COL22A1: variants seen among roughly 807,000 people sequenced by gnomAD.
COL22A1 encodes the protein collagen alpha-1(XXII) chain.
A neutral mutation model predicts 248.9 loss-of-function variants in COL22A1; 221 were observed. The ratio of observed to expected loss-of-function variants is 0.89; its 90% CI spans 0.80 to 0.99. The LOEUF (loss-of-function observed/expected upper bound fraction) is 0.99. COL22A1 is among the 50% of genes least tolerant of loss of function. The probability of loss-of-function intolerance (pLI) is 0.00; values close to 1 mark genes in which losing one functional copy is unlikely to be tolerated. For missense variants in COL22A1, 2,240 were observed against 2,179.0 expected, an observed-to-expected ratio of 1.03 and a Z score of -0.56; for synonymous variants, 891 against 793.4, an observed-to-expected ratio of 1.12 and a Z score of -2.07.
chr8:138,850,310 GGTGTTT>G (rs1467421009), intron 3 of COL22A1, among the ~76,000 whole-genome samples: 13 of 152,324 alleles, frequency 8.5e-5, no homozygotes, highest in Admixed American at 6.5e-5. Flanking sequence ...CAGAGTGCCA[GGTGTTT>G]TGTGAAAATG....
chr8:138,710,490 T>C (rs1313584320), intron 30 of COL22A1, among the ~76,000 whole-genome samples: 2 of 152,180 alleles, frequency 1.3e-5, no homozygotes, highest in African/African-American at 4.8e-5. Context: ...TGTATCCTTT[T>C]CTACCATTAT....
intron 39 of COL22A1, among the ~76,000 whole-genome samples, chr8:138,682,989 G>A (rs922626627): frequency 5.3e-5 from 8 of 152,182 alleles, no homozygotes; most frequent in East Asian, 1.9e-4. Flanking sequence ...GTGAGCCACC[G>A]CACCCGGCCC....
chr8:138,704,808 AC>A (rs1488856515), intron 30 of COL22A1, among the ~76,000 whole-genome samples: 9 of 152,250 alleles, frequency 5.9e-5, no homozygotes, highest in African/African-American at 2.2e-4. Context: ...TAGGCTTCAG[AC>A]GATCGGTAAT....
intron 6 of COL22A1, chr8:138,825,683 A>C (rs1819525091): frequency 6.6e-6 from 1 of 152,230 alleles, no homozygotes; most frequent in Non-Finnish European, 1.5e-5. Flanking sequence ...TTGCCCTCTC[A>C]GATGGCAGGC....
chr8:138,753,660 G>A (rs1832778215), intron 21 of COL22A1, among the ~76,000 whole-genome samples: 2 of 152,186 alleles, frequency 1.3e-5, no homozygotes, highest in South Asian at 4.1e-4. Flanking sequence ...TTCAGACTCT[G>A]AGGGTGCCTC....
intron 11 of COL22A1, among the ~76,000 whole-genome samples, chr8:138,798,477 CATA>C (rs1816739360): frequency 6.6e-6 from 1 of 151,954 alleles, no homozygotes; most frequent in Admixed American, 6.6e-5. Flanking sequence ...TTCTTATATG[CATA>C]ATAACTTAAT....
chr8:138,716,875 A>T lies in COL22A1; in HGVS notation c.2356-6T>A. ...CCCTGCTCCCCAATTTCTCCCTGAA[A>T]ATGCAATAAAACATACCCCATTATT... On this transcript the variant is annotated splice_region_variant and splice_polypyrimidine_tract_variant and intron_variant, in intron 27 of 64. Coordinates refer to ENST00000303045, the MANE Select transcript of COL22A1 (RefSeq NM_152888.3). 6.2e-7 allele frequency: 1 copy of T among 1,607,756 alleles called. No individual in the cohort carries two copies. The highest frequency in any genetic ancestry group is 8.5e-7 in the Non-Finnish European group (1 of 1,174,152).
At chr8:138,830,354 G>A (rs1460932100) in intron 5 of COL22A1, among the ~76,000 whole-genome samples, 1 of 152,102 alleles carries the variant, frequency 6.6e-6, no homozygotes, top group East Asian at 1.9e-4. Flanking sequence ...AAAAAGGTGA[G>A]AAAAAATGTA....
intron 32 of COL22A1, among the ~76,000 whole-genome samples, chr8:138,696,334 A>T (rs1177332190): frequency 6.6e-6 from 1 of 152,180 alleles, no homozygotes; most frequent in African/African-American, 2.4e-5. Flanking sequence ...CCTTGGGTGT[A>T]GAAGGGAGTC....
chr8:138,724,956 T>C (rs1830187113), intron 24 of COL22A1, among the ~76,000 whole-genome samples: 1 of 152,180 alleles, frequency 6.6e-6, no homozygotes, highest in Non-Finnish European at 1.5e-5. Context: ...ACCCACTCCG[T>C]AGGTGGGTGT....
chr8:138,837,892 G>A (rs978202199), intron 4 of COL22A1, among the ~76,000 whole-genome samples: 5 of 152,190 alleles, frequency 3.3e-5, no homozygotes, highest in African/African-American at 1.2e-4. Context: ...CCTGGCCAGA[G>A]GTGGGACGTG....
intron 32 of COL22A1, among the ~76,000 whole-genome samples, chr8:138,698,307 G>C (rs1448250933): frequency 1.3e-5 from 2 of 152,176 alleles, no homozygotes; most frequent in Non-Finnish European, 2.9e-5. Flanking sequence ...TCCATCCAGT[G>C]CGCTATGGCT....
At chr8:138,638,951 G>A (rs966200490) in intron 47 of COL22A1, among the ~76,000 whole-genome samples, 1 of 152,114 alleles carries the variant, frequency 6.6e-6, no homozygotes, top group African/African-American at 2.4e-5. Flanking sequence ...GTAGGTCAGG[G>A]ATCAAAGCAA....
At chr8:138,879,712 A>AAAGAAG (rs1554652803) in intron 2 of COL22A1, among the ~76,000 whole-genome samples, 42 of 83,214 alleles carry the variant, frequency 5.0e-4, no homozygotes, top group African/African-American at 1.5e-3. Flanking sequence ...AAAAAAAAAA[A>AAAGAAG]AAGAAGAAGA....
At chr8:138,634,627 G>A (rs1820993898) in intron 49 of COL22A1, among the ~76,000 whole-genome samples, 2 of 152,266 alleles carry the variant, frequency 1.3e-5, no homozygotes, top group African/African-American at 4.8e-5. Context: ...ATAATATCAA[G>A]ACAGGCTCCC....
intron 36 of COL22A1, among the ~76,000 whole-genome samples, 194 bp from the exon 37 acceptor site, chr8:138,689,164 G>GT (rs997519692): frequency 1.3e-4 from 19 of 146,306 alleles, no homozygotes; most frequent in Admixed American, 7.3e-4. Context: ...CTCCCGGGGG[G>GT]GGGGCTGGCC....
chr8:138,649,760 G>T lies in COL22A1; in HGVS notation c.3352C>A (p.Pro1118Thr), dbSNP rs770100868. The change falls in exon 46 of 65, where the codon CCT (proline) becomes ACT (threonine). Residue 1118 changes from proline to threonine, a missense_variant. Coordinates refer to ENST00000303045, the MANE Select transcript of COL22A1 (RefSeq NM_152888.3). ...CCAGGGAGGCCTGGGGGGCCAGGAGGGCAGTCATTGCACACATCCTGAGAG... is the reference window on the plus strand; with the variant it reads ...CCAGGGAGGCCTGGGGGGCCAGGAGTGCAGTCATTGCACACATCCTGAGAG... ...LLAKDVCNDC[P>T]PGPPGLPGLP... 2.0e-5 allele frequency: 32 copies of T among 1,599,634 alleles called. No homozygotes were observed. The highest frequency in any genetic ancestry group is 2.6e-5 in the Non-Finnish European group (31 of 1,173,932).
intron 11 of COL22A1, among the ~76,000 whole-genome samples, chr8:138,799,123 TTTA>T (rs1462095202): frequency 6.6e-6 from 1 of 152,184 alleles, no homozygotes; most frequent in African/African-American, 2.4e-5. Flanking sequence ...TTCTATTTCA[TTTA>T]TTATAATTTT....
intron 30 of COL22A1, among the ~76,000 whole-genome samples, chr8:138,711,714 C>A (rs1828982526): frequency 6.6e-6 from 1 of 152,138 alleles, no homozygotes; most frequent in Non-Finnish European, 1.5e-5. Flanking sequence ...CAGAAAGCAC[C>A]TGCGCAGAAA....
Sources: gnomAD v4.1 joint callset for allele counts (sites outside exome capture counted in the v4.1 genomes callset) on GRCh38, gnomAD v4.1.1 for gene constraint, MANE v1.5 for transcripts, NCBI Gene and HGNC (gene_info 2026-07-23, HGNC 2026-07-21) for gene names.